Variants in RBFOX1 observed in about 807,000 individuals in gnomAD.
RBFOX1 encodes RNA binding fox-1 homolog 1.
RBFOX1 carries 8 observed loss-of-function variants against 57.7 expected under a neutral mutation model. The ratio of observed to expected loss-of-function variants is 0.14; its 90% CI spans 0.08 to 0.25. The LOEUF (loss-of-function observed/expected upper bound fraction) is 0.25, where lower values mean the gene tolerates loss of function less well. RBFOX1 is among the 10% of genes least tolerant of loss of function. The probability of loss-of-function intolerance (pLI) is 1.00; values close to 1 mark genes in which losing one functional copy is unlikely to be tolerated. For synonymous variants in RBFOX1, 326 were observed against 222.4 expected, an observed-to-expected ratio of 1.47 and a Z score of -4.15; for missense variants, 611 against 548.5, an observed-to-expected ratio of 1.11 and a Z score of -1.14.
chr16:6,401,980 G>A (rs577060826), intron 2 of RBFOX1, among the ~76,000 whole-genome samples: 3 of 151,920 alleles, frequency 2.0e-5, no homozygotes, highest in Admixed American at 2.0e-4. Context: ...TCATGGCTGA[G>A]CCAGACCAGC....
At chr16:6,139,676 G>A (rs984811784) in intron 1 of RBFOX1, among the ~76,000 whole-genome samples, 4 of 152,142 alleles carry the variant, frequency 2.6e-5, no homozygotes, top group Non-Finnish European at 5.9e-5. Flanking sequence ...AGATTGGCTT[G>A]GCCATGCCAT....
chr16:6,992,322 A>C (rs375446176), intron 3 of RBFOX1, among the ~76,000 whole-genome samples: 2 of 151,912 alleles, frequency 1.3e-5, no homozygotes, highest in African/African-American at 4.8e-5. Flanking sequence ...GGTTCAAGCA[A>C]TTCTCCTGCC....
intron 4 of RBFOX1, among the ~76,000 whole-genome samples, chr16:7,270,502 G>C (rs562874959): frequency 6.6e-6 from 1 of 152,294 alleles, no homozygotes; most frequent in East Asian, 1.9e-4. Flanking sequence ...ACAATGATAA[G>C]GGAAGGTACC....
intron 4 of RBFOX1, among the ~76,000 whole-genome samples, chr16:7,125,120 G>C (rs774657029): frequency 2.6e-5 from 4 of 152,074 alleles, no homozygotes; most frequent in Non-Finnish European, 5.9e-5. Flanking sequence ...CAATATGAGA[G>C]GTTTCTTTTG....
At chr16:5,659,852 G>C (rs750490259) in intron 3 of RBFOX1, among the ~76,000 whole-genome samples, 3 of 152,112 alleles carry the variant, frequency 2.0e-5, no homozygotes, top group African/African-American at 7.2e-5. Context: ...AGTTGTTGCA[G>C]GTATCCCCAA....
At chr16:5,365,923 C>G (rs1567394823) in intron 1 of RBFOX1, 2 of 495,368 alleles carry the variant, frequency 4.0e-6, no homozygotes, top group Non-Finnish European at 8.0e-6. Context: ...CACCAGTTAT[C>G]TTTAAGAATG....
intron 4 of RBFOX1, among the ~76,000 whole-genome samples, chr16:7,158,293 C>G (rs1258785087): frequency 6.6e-6 from 1 of 152,090 alleles, no homozygotes; most frequent in Non-Finnish European, 1.5e-5. Flanking sequence ...TTGCAGTGAG[C>G]TGAGATCACA....
At chr16:5,348,548 C>G (rs1361411603) in intron 1 of RBFOX1, among the ~76,000 whole-genome samples, 2 of 152,192 alleles carry the variant, frequency 1.3e-5, no homozygotes, top group African/African-American at 4.8e-5. Context: ...AGCCTGGGTT[C>G]AAACCTAGGT....
intron 4 of RBFOX1, among the ~76,000 whole-genome samples, chr16:7,398,233 A>T (rs2098175046): frequency 6.6e-6 from 1 of 152,180 alleles, no homozygotes; most frequent in South Asian, 2.1e-4. Flanking sequence ...CTGACAGCTT[A>T]TCACAGTGGC....
intron 3 of RBFOX1, among the ~76,000 whole-genome samples, chr16:6,933,543 T>C (rs1271194302): frequency 6.6e-6 from 1 of 152,176 alleles, no homozygotes; most frequent in East Asian, 1.9e-4. Flanking sequence ...TGAAATCTCT[T>C]CTCTACTAAA....
intron 4 of RBFOX1, among the ~76,000 whole-genome samples, chr16:7,407,508 C>T (rs965915493): frequency 6.6e-6 from 1 of 151,944 alleles, no homozygotes; most frequent in Non-Finnish European, 1.5e-5. Context: ...ATCTTTGTAT[C>T]CCCAGAGGCT....
At chr16:6,842,665 T>TA (rs1555520522) in intron 3 of RBFOX1, among the ~76,000 whole-genome samples, 11 of 149,844 alleles carry the variant, frequency 7.3e-5, no homozygotes, top group Non-Finnish European at 1.3e-4. Context: ...TTTTTTTTTT[T>TA]AATTTTACTT....
At chr16:7,105,659 G>C (rs1429055627) in intron 4 of RBFOX1, among the ~76,000 whole-genome samples, 2 of 151,968 alleles carry the variant, frequency 1.3e-5, no homozygotes, top group African/African-American at 2.4e-5. Context: ...TTTTATGGCT[G>C]AGTCATATTC....
intron 1 of RBFOX1, among the ~76,000 whole-genome samples, chr16:5,415,473 C>A (rs747694747): frequency 6.6e-6 from 1 of 152,152 alleles, no homozygotes; most frequent in African/African-American, 2.4e-5. Flanking sequence ...CCATATCACA[C>A]GGTGATGGAG....
intron 2 of RBFOX1, among the ~76,000 whole-genome samples, chr16:6,530,959 A>C (rs1436149482): frequency 6.6e-6 from 1 of 152,174 alleles, no homozygotes; most frequent in East Asian, 1.9e-4. Context: ...GCTCCAGAAA[A>C]ACCCCAATCA....
chr16:7,298,143 C>T (rs1230138385), intron 4 of RBFOX1, among the ~76,000 whole-genome samples: 1 of 152,168 alleles, frequency 6.6e-6, no homozygotes. Flanking sequence ...TTAACTGGTG[C>T]ATTGCATGCA....
At position 6,801,104 on chromosome 16, in the gene RBFOX1, C is replaced by G. The variant is rs146902110; in HGVS notation, c.-16+146454C>G. ...AAGTGCGGATTGCCATTCAGTAGAT[C>G]TGGGGATTGACCTATTAAGCATTTC... On this transcript the variant is annotated intron_variant, in intron 3 of 15. Transcript: ENST00000550418. Among the ~76,000 whole-genome samples the G allele has an allele frequency of 4.8e-3, 720 of 150,422 alleles. 5 individuals are homozygous for G. The highest frequency in any genetic ancestry group is 0.034 in the Middle Eastern group (10 of 290).
intron 3 of RBFOX1, among the ~76,000 whole-genome samples, chr16:5,808,233 A>G (rs2055297093): frequency 6.6e-6 from 1 of 152,186 alleles, no homozygotes; most frequent in African/African-American, 2.4e-5. Flanking sequence ...CCAAGAAAAG[A>G]CATAGGAATA....
At chr16:7,311,070 G>A (rs1568150238) in intron 4 of RBFOX1, among the ~76,000 whole-genome samples, 1 of 152,176 alleles carries the variant, frequency 6.6e-6, no homozygotes, top group Non-Finnish European at 1.5e-5. Context: ...TAAGTTCTTT[G>A]TGATGCTTTT....
Sources: allele counts gnomAD v4.1 joint callset (sites outside exome capture counted in the v4.1 genomes callset), GRCh38; gene constraint gnomAD v4.1.1; transcripts MANE v1.5; gene names NCBI Gene and HGNC (gene_info 2026-07-23, HGNC 2026-07-21).